The following GALNT17 variants were observed in gnomAD, a reference collection of about 807,000 sequenced individuals.
GALNT17 encodes UDP-GalNAc:polypeptide N-acetylgalactosaminyltransferase-like 3.
In GALNT17, 29 loss-of-function variants were observed where a neutral mutation model predicts 63.7. The observed-to-expected ratio is 0.46, with a 90% CI of 0.34 to 0.62. The LOEUF (loss-of-function observed/expected upper bound fraction) is 0.62, where lower values mean the gene tolerates loss of function less well. Ranked by LOEUF, GALNT17 falls within the 20% of genes least tolerant of loss-of-function variation. The probability of loss-of-function intolerance (pLI) is 0.01; values close to 1 mark genes in which losing one functional copy is unlikely to be tolerated. For missense variants in GALNT17, 603 were observed against 799.6 expected, an observed-to-expected ratio of 0.75 and a Z score of 2.97; for synonymous variants, 305 against 318.3, an observed-to-expected ratio of 0.96 and a Z score of 0.45.
At chr7:71,312,326 C>T (rs920555384) in intron 1 of GALNT17, among the ~76,000 whole-genome samples, 7 of 152,280 alleles carry the variant, frequency 4.6e-5, no homozygotes, top group Admixed American at 1.3e-4. Flanking sequence ...GGCCAAGTCC[C>T]AACTTTGGGG....
chr7:71,447,538 G>A lies in GALNT17; in HGVS notation c.962+26433G>A, dbSNP rs979167396. Among the ~76,000 whole-genome samples, 10 of 151,978 alleles carry A rather than the reference G, an allele frequency of 6.6e-5. No individual in the cohort carries two copies. In the East Asian group the frequency reaches 1.2e-3, roughly 18 times the overall value. On this transcript the variant is annotated intron_variant, in intron 5 of 10. Transcript: ENST00000333538. ...CTGAGATTTGCAACATGGGTCTCAA[G>A]TGTTTTGGTTAAGGGATACTTGACC...
At chr7:71,476,483 G>A (rs1257868263) in intron 5 of GALNT17, among the ~76,000 whole-genome samples, 6 of 150,602 alleles carry the variant, frequency 4.0e-5, no homozygotes, top group African/African-American at 1.5e-4. Context: ...GTATTGCCAA[G>A]TGAAAATATT....
chr7:71,142,828 C>A (rs540452760), intron 1 of GALNT17, among the ~76,000 whole-genome samples: 1 of 151,932 alleles, frequency 6.6e-6, no homozygotes, highest in East Asian at 2.0e-4. Context: ...GTAATCCCAG[C>A]TACTTGGGAG....
intron 1 of GALNT17, among the ~76,000 whole-genome samples, chr7:71,325,297 C>A (rs1791685610): frequency 6.6e-6 from 1 of 152,148 alleles, no homozygotes; most frequent in African/African-American, 2.4e-5. Context: ...AGGGCTCTGG[C>A]CTCTCTGCAG....
At chr7:71,373,835 T>A (rs1158309785) in intron 2 of GALNT17, among the ~76,000 whole-genome samples, 1 of 152,074 alleles carries the variant, frequency 6.6e-6, no homozygotes, top group Non-Finnish European at 1.5e-5. Flanking sequence ...TTGGGGGCCG[T>A]TGCTCTATAC....
At chr7:71,337,900 AC>A (rs1166425722) in intron 2 of GALNT17, among the ~76,000 whole-genome samples, 2 of 151,780 alleles carry the variant, frequency 1.3e-5, no homozygotes, top group Non-Finnish European at 2.9e-5. Context: ...AACAACAACA[AC>A]AAAAAAACTT....
intron 1 of GALNT17, among the ~76,000 whole-genome samples, chr7:71,236,854 GAGA>G (rs1292772235): frequency 6.6e-5 from 10 of 152,226 alleles, no homozygotes; most frequent in Non-Finnish European, 1.0e-4. Flanking sequence ...ATTAGAGAGA[GAGA>G]AGAAAAGAAA....
chr7:71,693,807 T>G (rs1039197210), intron 9 of GALNT17, among the ~76,000 whole-genome samples: 4 of 119,210 alleles, frequency 3.4e-5, no homozygotes, highest in African/African-American at 1.1e-4. Flanking sequence ...ACCCCTGCAC[T>G]TTAAAAAAAG....
intron 3 of GALNT17, among the ~76,000 whole-genome samples, chr7:71,404,768 A>C (rs1286676117): frequency 6.6e-6 from 1 of 152,202 alleles, no homozygotes; most frequent in Admixed American, 6.5e-5. Flanking sequence ...TTGGAGGCCC[A>C]AAAGATTCCC....
intron 1 of GALNT17, among the ~76,000 whole-genome samples, chr7:71,262,557 C>T (rs1236398569): frequency 6.6e-6 from 1 of 152,016 alleles, no homozygotes; most frequent in Non-Finnish European, 1.5e-5. Context: ...CCCAGAACCT[C>T]AGAATGAGAC....
intron 2 of GALNT17, among the ~76,000 whole-genome samples, chr7:71,354,156 T>C (rs961671454): frequency 2.6e-5 from 4 of 152,084 alleles, no homozygotes; most frequent in East Asian, 1.9e-4. Flanking sequence ...ACCTCCAACA[T>C]CAGGAATTAC....
chr7:71,430,871 T>C (rs941999331), intron 5 of GALNT17, among the ~76,000 whole-genome samples: 4 of 152,202 alleles, frequency 2.6e-5, no homozygotes, highest in African/African-American at 9.7e-5. Flanking sequence ...ATCTTTCCTA[T>C]GCATCAGCAA....
intron 6 of GALNT17, among the ~76,000 whole-genome samples, chr7:71,627,657 C>T (rs2116982792): frequency 1.3e-5 from 2 of 152,282 alleles, no homozygotes; most frequent in South Asian, 4.2e-4. Context: ...CCTACTACAT[C>T]CACAGTATCC....
At chr7:71,580,944 G>A (rs1441343652) in intron 6 of GALNT17, among the ~76,000 whole-genome samples, 1 of 152,062 alleles carries the variant, frequency 6.6e-6, no homozygotes, top group Non-Finnish European at 1.5e-5. Context: ...GACAGAGAGT[G>A]GTTGTATTAA....
chr7:71,679,695 A>G (rs1791208911), intron 9 of GALNT17, among the ~76,000 whole-genome samples: 1 of 151,940 alleles, frequency 6.6e-6, no homozygotes, highest in Non-Finnish European at 1.5e-5. Flanking sequence ...AGAGAGGTGG[A>G]GAGCAGATGG....
chr7:71,357,146 G>A (rs929158526), intron 2 of GALNT17, among the ~76,000 whole-genome samples: 2 of 151,988 alleles, frequency 1.3e-5, no homozygotes, highest in African/African-American at 4.8e-5. Context: ...CTGGCCTCTG[G>A]GTTTTCTCTT....
intron 1 of GALNT17, among the ~76,000 whole-genome samples, chr7:71,138,247 A>C (rs1254811467): frequency 6.6e-6 from 1 of 152,008 alleles, no homozygotes; most frequent in Non-Finnish European, 1.5e-5. Context: ...CTGAGGTGGG[A>C]GGATGTTTTG....
intron 4 of GALNT17, among the ~76,000 whole-genome samples, chr7:71,418,508 G>A (rs1786591735): frequency 6.6e-6 from 1 of 152,176 alleles, no homozygotes. Flanking sequence ...GAGAGTCAAG[G>A]AATCCTCCTG....
rs373319004 is a variant in GALNT17, at chr7:71,579,845, AATAG to A, written c.1080+8448_1080+8451del. Among the ~76,000 whole-genome samples, 227 of 152,192 alleles carry A rather than the reference AATAG, an allele frequency of 1.5e-3. 1 individual carries two copies. In the South Asian group the frequency reaches 0.028, roughly 19 times the overall value. ...TTTAGATAGGTAGGTTAGGTAGACA[AATAG>A]ATAGGTAGGTAGGAAGAAAGAGAGA... is the stretch of plus-strand genomic sequence containing the variant. On this transcript the variant is annotated intron_variant, in intron 6 of 10. Coordinates refer to ENST00000333538, the MANE Select transcript of GALNT17 (RefSeq NM_022479.3).
Sources: allele counts gnomAD v4.1 joint callset (sites outside exome capture counted in the v4.1 genomes callset), GRCh38; gene constraint gnomAD v4.1.1; transcripts MANE v1.5; gene names NCBI Gene and HGNC (gene_info 2026-07-23, HGNC 2026-07-21).